Variants in KCNIP4 observed in about 807,000 individuals in gnomAD.
KCNIP4 encodes the protein potassium voltage-gated channel interacting protein 4, also known as Kv channel-interacting protein 4.
Under a neutral mutation model 34.0 loss-of-function variants are expected in KCNIP4, and 12 were observed. That is an observed-to-expected ratio of 0.35 (90% CI 0.23 to 0.57). The LOEUF is 0.57. KCNIP4 is among the 20% of genes least tolerant of loss of function. KCNIP4 has a pLI of 0.83. For synonymous variants in KCNIP4, 124 were observed against 102.2 expected (o/e 1.21, Z -1.29); for missense variants, 238 against 311.7 (o/e 0.76, Z 1.78).
intron 1 of KCNIP4, among the ~76,000 whole-genome samples, chr4:21,068,238 T>C (rs1744582653): frequency 1.3e-5 from 2 of 152,162 alleles, no homozygotes; most frequent in African/African-American, 2.4e-5. Flanking sequence ...ATCATAATCA[T>C]CTTTTGCCTG....
chr4:21,810,657 T>C (rs1578018979), intron 1 of KCNIP4, among the ~76,000 whole-genome samples: 1 of 127,628 alleles, frequency 7.8e-6, no homozygotes, highest in African/African-American at 3.0e-5. Flanking sequence ...GCCACTGCAC[T>C]CCAGCCTGGG....
At chr4:21,915,835 A>G (rs528715320) in intron 1 of KCNIP4, among the ~76,000 whole-genome samples, 2 of 152,170 alleles carry the variant, frequency 1.3e-5, no homozygotes, top group South Asian at 2.1e-4. Flanking sequence ...AGAATCGCTA[A>G]TGGTGCTCTC....
intron 1 of KCNIP4, among the ~76,000 whole-genome samples, chr4:21,861,834 G>A (rs576695587): frequency 4.5e-4 from 68 of 152,210 alleles, no homozygotes; most frequent in African/African-American, 1.4e-3. Context: ...CGCGGGTCAG[G>A]TCATGTCACT....
intron 1 of KCNIP4, among the ~76,000 whole-genome samples, chr4:21,556,642 CA>C (rs1739033863): frequency 6.6e-6 from 1 of 151,998 alleles, no homozygotes; most frequent in African/African-American, 2.4e-5. Flanking sequence ...CATCAGAGGC[CA>C]GGCATTGTGG....
In KCNIP4 at chr4:21,269,362, A is replaced by G. The variant is rs1403721677; in HGVS notation, c.62-386653T>C. 2.6e-5 allele frequency among the ~76,000 whole-genome samples: 4 copies of G among 152,220 alleles called. No homozygotes were observed. In the East Asian group the frequency reaches 5.8e-4, roughly 22 times the overall value. ...AGGTAAATCCAAGGAGTCTGTCTCT[A>G]TGTTTTTCACTGACTCCTTAATTTC... On this transcript the variant is annotated intron_variant, in intron 1 of 8. Transcript: ENST00000382152.
At chr4:21,200,220 CACA>C (rs1313912589) in intron 1 of KCNIP4, among the ~76,000 whole-genome samples, 2 of 151,200 alleles carry the variant, frequency 1.3e-5, no homozygotes, top group African/African-American at 4.9e-5. Flanking sequence ...ATATTTTTAT[CACA>C]ACACGATTCA....
chr4:21,615,453 G>A (rs1006069222), intron 1 of KCNIP4, among the ~76,000 whole-genome samples: 2 of 151,982 alleles, frequency 1.3e-5, no homozygotes, highest in African/African-American at 4.8e-5. Flanking sequence ...GGCTGAGGCA[G>A]GAGAATGGCG....
At chr4:21,493,372 C>T (rs9991717) in intron 1 of KCNIP4, among the ~76,000 whole-genome samples, 5,765 of 151,608 alleles carry the variant, frequency 0.038, 335 homozygotes, top group African/African-American at 0.12. Context: ...CAAGCTGCAT[C>T]AAGTGCAAGG....
intron 1 of KCNIP4, among the ~76,000 whole-genome samples, chr4:21,483,197 G>A (rs919056142): frequency 1.3e-5 from 2 of 151,486 alleles, no homozygotes; most frequent in Non-Finnish European, 2.9e-5. Flanking sequence ...TGCATGTTGT[G>A]CACATGTACC....
chr4:21,355,035 C>A (rs1331625892), intron 1 of KCNIP4, among the ~76,000 whole-genome samples: 1 of 152,158 alleles, frequency 6.6e-6, no homozygotes, highest in Non-Finnish European at 1.5e-5. Context: ...GAACAACCTG[C>A]TCCTGAATGA....
intron 1 of KCNIP4, among the ~76,000 whole-genome samples, chr4:21,902,357 C>T (rs1727750960): frequency 6.6e-6 from 1 of 151,886 alleles, no homozygotes; most frequent in South Asian, 2.1e-4. Flanking sequence ...AAGTTTTGTC[C>T]TTATGGCTCT....
intron 1 of KCNIP4, among the ~76,000 whole-genome samples, chr4:21,487,812 G>A (rs1039888208): frequency 2.0e-5 from 3 of 152,006 alleles, no homozygotes; most frequent in South Asian, 2.1e-4. Flanking sequence ...TTAGGAGCTC[G>A]TTCACTTGGC....
At chr4:21,541,894 C>T (rs1737730658) in intron 1 of KCNIP4, among the ~76,000 whole-genome samples, 1 of 152,120 alleles carries the variant, frequency 6.6e-6, no homozygotes, top group Admixed American at 6.5e-5. Context: ...CCTCCAACCT[C>T]AGCCTCCAAA....
intron 1 of KCNIP4, among the ~76,000 whole-genome samples, chr4:20,959,210 T>C (rs1225415125): frequency 6.6e-6 from 1 of 152,200 alleles, no homozygotes; most frequent in Non-Finnish European, 1.5e-5. Context: ...ATGGTTCACC[T>C]CTTGGCCCCC....
intron 1 of KCNIP4, among the ~76,000 whole-genome samples, chr4:21,483,577 C>G (rs1223833386): frequency 6.6e-6 from 1 of 151,804 alleles, no homozygotes; most frequent in African/African-American, 2.4e-5. Context: ...ATCATGAGGT[C>G]AGAAGATAGA....
rs141719090 is a variant in KCNIP4, at chr4:21,533,646, C to T, written c.61+414925G>A. 8.1e-3 allele frequency among the ~76,000 whole-genome samples: 1,227 copies of T among 151,992 alleles called. 20 individuals are homozygous for T. The highest frequency in any genetic ancestry group is 0.027 in the African/African-American group (1,123 of 41,468). ...AGTATGGATACTTAATAAGGAAAAA[C>T]AGAAAAAAACTTTTAATAGTCCCTT... On this transcript the variant is annotated intron_variant, in intron 1 of 8. Coordinates refer to ENST00000382152, the MANE Select transcript of KCNIP4 (RefSeq NM_025221.6).
intron 1 of KCNIP4, among the ~76,000 whole-genome samples, chr4:21,934,495 A>C (rs960002549): frequency 2.0e-5 from 3 of 152,110 alleles, no homozygotes; most frequent in African/African-American, 7.2e-5. Flanking sequence ...TAAGATTTGA[A>C]GGGGAGAAAA....
At chr4:20,964,436 T>C in intron 1 of KCNIP4, among the ~76,000 whole-genome samples, 1 of 152,184 alleles carries the variant, frequency 6.6e-6, no homozygotes, top group East Asian at 1.9e-4. Flanking sequence ...CAATCCACAT[T>C]CTCTTTAGAG....
intron 5 of KCNIP4, 47 bp from the exon 6 acceptor site, chr4:20,734,782 CAA>C: frequency 8.7e-7 from 1 of 1,153,712 alleles, no homozygotes; most frequent in Non-Finnish European, 1.2e-6. Flanking sequence ...TTTAAAAAAA[CAA>C]AAACAAAAAA....
Sources: allele counts gnomAD v4.1 joint callset (sites outside exome capture counted in the v4.1 genomes callset), GRCh38; gene constraint gnomAD v4.1.1; transcripts MANE v1.5; gene names NCBI Gene and HGNC (gene_info 2026-07-23, HGNC 2026-07-21).